DLGAP2: variants seen among roughly 807,000 people sequenced by gnomAD.
DLGAP2 encodes the protein disks large-associated protein 2.
Under a neutral mutation model 100.3 loss-of-function variants are expected in DLGAP2, and 26 were observed. The ratio of observed to expected loss-of-function variants is 0.26; its 90% confidence interval spans 0.19 to 0.36. DLGAP2 has a LOEUF of 0.36. Ranked by LOEUF, DLGAP2 falls within the 10% of genes least tolerant of loss-of-function variation. DLGAP2 has a pLI of 1.00. For missense variants in DLGAP2, 1,858 were observed against 1,453.2 expected, an observed-to-expected ratio of 1.28 and a Z score of -4.53; for synonymous variants, 886 against 630.1, an observed-to-expected ratio of 1.41 and a Z score of -6.08.
At chr8:1,323,005 G>A (rs907475570) in intron 3 of DLGAP2, among the ~76,000 whole-genome samples, 3 of 151,564 alleles carry the variant, frequency 2.0e-5, no homozygotes, top group Non-Finnish European at 2.9e-5. Flanking sequence ...TAAGTGCTTA[G>A]TAGATGTTGA....
intron 6 of DLGAP2, among the ~76,000 whole-genome samples, chr8:1,590,295 A>G (rs1038176037): frequency 6.6e-6 from 1 of 152,228 alleles, no homozygotes; most frequent in African/African-American, 2.4e-5. Context: ...GACACAGTTC[A>G]GGCCGTACCA....
intron 1 of DLGAP2, among the ~76,000 whole-genome samples, chr8:787,668 C>G (rs1821909996): frequency 6.6e-6 from 1 of 152,206 alleles, no homozygotes; most frequent in Non-Finnish European, 1.5e-5. Flanking sequence ...TTGTCTTGCT[C>G]CGGGCCCCCT....
At chr8:1,169,503 C>T (rs1039427663) in intron 2 of DLGAP2, among the ~76,000 whole-genome samples, 1 of 152,134 alleles carries the variant, frequency 6.6e-6, no homozygotes, top group African/African-American at 2.4e-5. Context: ...ATTGATTCTT[C>T]CTATCCATGA....
At chr8:828,432 G>T (rs1375614779) in intron 1 of DLGAP2, among the ~76,000 whole-genome samples, 1 of 152,214 alleles carries the variant, frequency 6.6e-6, no homozygotes, top group African/African-American at 2.4e-5. Flanking sequence ...GCTTTTGAAA[G>T]AAGAGAAATA....
intron 12 of DLGAP2, among the ~76,000 whole-genome samples, chr8:1,690,718 A>G (rs895685725): frequency 1.3e-5 from 2 of 151,718 alleles, no homozygotes; most frequent in African/African-American, 4.8e-5. Context: ...AAAAAAAAAA[A>G]AAAAAAAAAA....
At chr8:1,167,655 C>T (rs561374847) in intron 2 of DLGAP2, among the ~76,000 whole-genome samples, 8 of 152,256 alleles carry the variant, frequency 5.3e-5, no homozygotes, top group African/African-American at 1.9e-4. Context: ...AAGTTAATTT[C>T]TTTAGGGTAG....
At chr8:1,162,129 G>A (rs544206602) in intron 2 of DLGAP2, among the ~76,000 whole-genome samples, 1 of 152,348 alleles carries the variant, frequency 6.6e-6, no homozygotes, top group African/African-American at 2.4e-5. Context: ...TTCCACAGGA[G>A]GCTACGGAGG....
intron 1 of DLGAP2, among the ~76,000 whole-genome samples, chr8:804,936 T>G (rs901716657): frequency 3.3e-5 from 5 of 151,964 alleles, no homozygotes; most frequent in South Asian, 2.1e-4. Context: ...GGCTAATTTT[T>G]TTTGTTTGTT....
intron 3 of DLGAP2, among the ~76,000 whole-genome samples, chr8:1,355,472 C>T (rs1186848983): frequency 1.3e-5 from 2 of 152,018 alleles, no homozygotes; most frequent in Non-Finnish European, 2.9e-5. Flanking sequence ...TCAAGCGATT[C>T]TCCTGCCTCA....
chr8:995,155 A>AAAC (rs1483010046), intron 2 of DLGAP2, among the ~76,000 whole-genome samples: 1 of 152,174 alleles, frequency 6.6e-6, no homozygotes, highest in African/African-American at 2.4e-5. Context: ...AATATTGAAA[A>AAAC]AATCACATTT....
chr8:1,146,779 T>G (rs964246829), intron 2 of DLGAP2, among the ~76,000 whole-genome samples: 32 of 152,242 alleles, frequency 2.1e-4, no homozygotes, highest in African/African-American at 7.7e-4. Flanking sequence ...CCGTCCCCAC[T>G]GTCCTGAAGT....
chr8:1,249,105 C>G (rs767425210), intron 2 of DLGAP2, among the ~76,000 whole-genome samples: 16 of 152,148 alleles, frequency 1.1e-4, no homozygotes, highest in African/African-American at 1.4e-4. Flanking sequence ...ACACGAGTGT[C>G]CTGCATGCTG....
chr8:1,652,467 G>T (rs1270295652), intron 8 of DLGAP2, among the ~76,000 whole-genome samples: 1 of 152,154 alleles, frequency 6.6e-6, no homozygotes, highest in Non-Finnish European at 1.5e-5. Context: ...TGAATAAGAA[G>T]GATTCTCTCT....
At chr8:954,031 C>G (rs767663710) in intron 2 of DLGAP2, among the ~76,000 whole-genome samples, 1 of 152,194 alleles carries the variant, frequency 6.6e-6, no homozygotes, top group Non-Finnish European at 1.5e-5. Flanking sequence ...GCAGCTAGCT[C>G]TCCCCTATGT....
rs1019966298 is a variant in DLGAP2, at chr8:1,169,292, A to G, written c.74-89559A>G. Among the ~76,000 whole-genome samples, 264 of 152,188 alleles carry G rather than the reference A, an allele frequency of 1.7e-3. 1 individual carries two copies. Among genetic ancestry groups the G allele is most frequent in the African/African-American group, 6.2e-3 (256 of 41,518 alleles). ...CTGTTTTGGTTACTGTAGCCTTGTA[A>G]TATACTTTGAAGTCAGGTAGCGTGA... On this transcript the variant is annotated intron_variant, in intron 2 of 14. Coordinates refer to ENST00000637795, the MANE Select transcript of DLGAP2 (RefSeq NM_001346810.2).
rs542444796 is a variant in DLGAP2 at position 1,302,998 on chromosome 8, A to T, written c.106+44115A>T. The stretch of plus-strand genomic sequence containing the variant: ...GAGTCATTCCTTAGCTGTCGGCTGC[A>T]GGCTGTGAGGATGGGCCTTCGTAAG... On this transcript the variant is annotated intron_variant, in intron 3 of 14. Coordinates refer to ENST00000637795, the MANE Select transcript of DLGAP2 (RefSeq NM_001346810.2). Among the ~76,000 whole-genome samples, 276 of 152,340 alleles carry T rather than the reference A, an allele frequency of 1.8e-3. 2 individuals are homozygous for T. The highest frequency in any genetic ancestry group is 6.3e-3 in the African/African-American group (262 of 41,576).
At chr8:1,188,367 G>C (rs560678457) in intron 2 of DLGAP2, among the ~76,000 whole-genome samples, 19 of 103,006 alleles carry the variant, frequency 1.8e-4, no homozygotes, top group South Asian at 3.0e-4. Context: ...CGTGACGTTT[G>C]CCTCACGGAA....
At chr8:1,555,639 G>A (rs778327658) in intron 5 of DLGAP2, among the ~76,000 whole-genome samples, 3 of 152,150 alleles carry the variant, frequency 2.0e-5, no homozygotes, top group Non-Finnish European at 2.9e-5. Context: ...CTGTCTCCCC[G>A]GCTGGACTCC....
chr8:874,827 A>G (rs1446957824), intron 1 of DLGAP2, among the ~76,000 whole-genome samples: 2 of 152,078 alleles, frequency 1.3e-5, no homozygotes, highest in African/African-American at 2.4e-5. Flanking sequence ...GTCTTCGGCT[A>G]TTGTTGAACT....
Sources: gnomAD v4.1 joint callset for allele counts (sites outside exome capture counted in the v4.1 genomes callset) on GRCh38, gnomAD v4.1.1 for gene constraint, MANE v1.5 for transcripts, NCBI Gene and HGNC (gene_info 2026-07-23, HGNC 2026-07-21) for gene names.